MED13L: variants seen among roughly 807,000 people sequenced by gnomAD.
MED13L encodes mediator of RNA polymerase II transcription subunit 13-like.
A neutral mutation model predicts 220.9 loss-of-function variants in MED13L; 7 were observed. The ratio of observed to expected loss-of-function variants is 0.03; its 90% CI spans 0.02 to 0.06. MED13L has a LOEUF of 0.06. Ranked by LOEUF, MED13L falls within the 10% of genes least tolerant of loss-of-function variation. The pLI is 1.00. For synonymous variants in MED13L, 1,011 were observed against 1,015.2 expected (o/e 1.00, Z 0.08); for missense variants, 1,965 against 2,760.5 (o/e 0.71, Z 6.46).
At position 116,008,678 on chromosome 12, in the gene MED13L, T is replaced by C; in HGVS notation, c.1735A>G (p.Asn579Asp). Residue 579 changes from asparagine to aspartate, a missense_variant, in exon 10 of 31, where the codon AAT becomes GAT. By Grantham distance (23) the Asn-to-Asp change is conservative. Around this residue, in one of 10 missense-constraint regions of MED13L, gnomAD observed 818 missense variants for 1,041.2 expected, o/e 0.79. Coordinates refer to ENST00000281928, the MANE Select transcript of MED13L (RefSeq NM_015335.5). ...ESLDPPSVPV[N>D]PALYGNGLEL... ...AGTCCATTTCCATAAAGGGCTGGATTCACAGGGACCGATGGTGGGTCCAAA... is the reference window on the plus strand; with the variant it reads ...AGTCCATTTCCATAAAGGGCTGGATCCACAGGGACCGATGGTGGGTCCAAA... 2 of 1,614,032 alleles carry C rather than the reference T, an allele frequency of 1.2e-6. No homozygotes were observed. The highest frequency in any genetic ancestry group is 1.7e-6 in the Non-Finnish European group (2 of 1,179,994).
chr12:116,126,131 A>G (rs1443072843), intron 2 of MED13L, among the ~76,000 whole-genome samples: 1 of 152,232 alleles, frequency 6.6e-6, no homozygotes, highest in African/African-American at 2.4e-5. Flanking sequence ...CAAAAAATTT[A>G]TAAATGACCT....
chr12:116,124,816 C>T (rs1875436564), intron 2 of MED13L, among the ~76,000 whole-genome samples: 1 of 152,158 alleles, frequency 6.6e-6, no homozygotes, highest in Non-Finnish European at 1.5e-5. Context: ...AAGTGAACCA[C>T]CTTTCCATAC....
At chr12:116,131,757 T>C (rs1023527849) in intron 2 of MED13L, among the ~76,000 whole-genome samples, 2 of 152,124 alleles carry the variant, frequency 1.3e-5, no homozygotes, top group African/African-American at 4.8e-5. Context: ...GGAAGGCAGA[T>C]CGCTTCAGCT....
chr12:116,218,900 A>AT (rs891554374), intron 2 of MED13L, among the ~76,000 whole-genome samples: 35 of 151,810 alleles, frequency 2.3e-4, no homozygotes, highest in African/African-American at 6.8e-4. Flanking sequence ...CACCTGGCTA[A>AT]TTTTTTTTGT....
At chr12:116,174,200 G>T (rs565940199) in intron 2 of MED13L, among the ~76,000 whole-genome samples, 2 of 152,088 alleles carry the variant, frequency 1.3e-5, no homozygotes, top group Non-Finnish European at 1.5e-5. Context: ...AGAGACGAAG[G>T]TTTCTTAGTG....
chr12:116,051,538 A>G (rs1261571691), intron 4 of MED13L, among the ~76,000 whole-genome samples: 1 of 152,226 alleles, frequency 6.6e-6, no homozygotes, highest in Non-Finnish European at 1.5e-5. Flanking sequence ...AATATCCTTT[A>G]TTCAAAATGC....
intron 25 of MED13L, 194 bp from the exon 26 acceptor site, chr12:115,972,430 A>G: frequency 1.6e-6 from 1 of 641,932 alleles, no homozygotes; most frequent in South Asian, 1.7e-5. Flanking sequence ...TAACAAAGGA[A>G]CAAAGGCCTA....
intron 2 of MED13L, among the ~76,000 whole-genome samples, chr12:116,162,449 G>A (rs934526469): frequency 6.6e-6 from 1 of 152,172 alleles, no homozygotes; most frequent in African/African-American, 2.4e-5. Context: ...AAATATCCAT[G>A]TGAGTATGGA....
In MED13L at chr12:115,986,356, A is replaced by G. The variant is rs17498090; in HGVS notation, c.4248T>C (p.Arg1416=). The part of the protein sequence containing the change: ...RLLLDPYGGH[R]DVAYIVVCPE... ...GACACACCACAATATAGGCAACATC[A>G]CGGTGGCCCCCATATGGGTCCAACA... Residue 1416 remains arginine (R), a synonymous_variant, in exon 19 of 31, where the codon CGT becomes CGC. Coordinates refer to ENST00000281928, the MANE Select transcript of MED13L (RefSeq NM_015335.5). 3 of 1,614,004 alleles carry G rather than the reference A, an allele frequency of 1.9e-6. No homozygotes were observed.
chr12:116,131,722 T>C (rs1303853449), intron 2 of MED13L, among the ~76,000 whole-genome samples: 1 of 152,236 alleles, frequency 6.6e-6, no homozygotes, highest in East Asian at 1.9e-4. Flanking sequence ...GGCACACCTG[T>C]AATCCCAGCA....
chr12:116,001,782 T>G (rs1878760914), intron 14 of MED13L, among the ~76,000 whole-genome samples: 1 of 152,378 alleles, frequency 6.6e-6, no homozygotes, highest in South Asian at 2.1e-4. Context: ...TATCATAAAA[T>G]TTTGAATTTT....
chr12:116,024,511 G>A (rs941442477), intron 4 of MED13L, among the ~76,000 whole-genome samples: 6 of 152,066 alleles, frequency 3.9e-5, no homozygotes, highest in South Asian at 4.1e-4. Flanking sequence ...GAGTTCCTTA[G>A]ATATTCCAGA....
intron 4 of MED13L, among the ~76,000 whole-genome samples, chr12:116,060,393 C>T (rs1440429626): frequency 6.6e-6 from 1 of 151,636 alleles, no homozygotes; most frequent in Non-Finnish European, 1.5e-5. Flanking sequence ...GCCTGGGCAA[C>T]ACGGTAAAAC....
chr12:116,219,474 T>C (rs1287678961), intron 2 of MED13L, among the ~76,000 whole-genome samples: 1 of 152,182 alleles, frequency 6.6e-6, no homozygotes, highest in Non-Finnish European at 1.5e-5. Context: ...CTCAATTCAT[T>C]AATTTTATTA....
At chr12:116,120,225 C>T (rs1426562625) in intron 2 of MED13L, among the ~76,000 whole-genome samples, 1 of 152,062 alleles carries the variant, frequency 6.6e-6, no homozygotes. Flanking sequence ...TTCCCCTACA[C>T]AACACTTAGT....
At chr12:116,192,958 G>A (rs191214531) in intron 2 of MED13L, among the ~76,000 whole-genome samples, 1 of 152,190 alleles carries the variant, frequency 6.6e-6, no homozygotes, top group Non-Finnish European at 1.5e-5. Context: ...CGGTGAAACC[G>A]CGTCTCTATT....
intron 1 of MED13L, among the ~76,000 whole-genome samples, chr12:116,269,466 CA>C (rs34100053): frequency 0.17 from 11,652 of 68,794 alleles, 207 homozygotes; most frequent in South Asian, 0.19. Context: ...TTAAACTATG[CA>C]AAAAAAAAAA....
chr12:116,233,493 C>A (rs532646117), intron 2 of MED13L, among the ~76,000 whole-genome samples: 1 of 152,260 alleles, frequency 6.6e-6, no homozygotes, highest in African/African-American at 2.4e-5. Flanking sequence ...TCTGTGTACT[C>A]CATACTATGA....
chr12:115,963,637 T>C (rs1875928035), intron 29 of MED13L, 118 bp from the exon 30 acceptor site: 2 of 762,318 alleles, frequency 2.6e-6, no homozygotes, highest in Non-Finnish European at 4.6e-6. Flanking sequence ...TCAGGGTTTC[T>C]GTGAGTCTAC....
Sources: gnomAD v4.1 joint callset for allele counts (sites outside exome capture counted in the v4.1 genomes callset) on GRCh38, gnomAD v4.1.1 for gene constraint, gnomAD v4.1.1 regional missense constraint, MANE v1.5 for transcripts, NCBI Gene and HGNC (gene_info 2026-07-23, HGNC 2026-07-21) for gene names.